The following BBX variants were observed in gnomAD, a reference collection of about 807,000 sequenced individuals.
The protein encoded by BBX is HMG box transcription factor BBX.
BBX carries 30 observed loss-of-function variants against 100.2 expected under a neutral mutation model. The ratio of observed to expected loss-of-function variants is 0.30; its 90% CI spans 0.22 to 0.41. BBX has a LOEUF of 0.41. Among genes scored for constraint, BBX ranks in the 10% least tolerant of loss-of-function variants. The pLI, the probability that BBX is intolerant of heterozygous loss-of-function variation, is 1.00. For synonymous variants in BBX, 376 were observed against 388.1 expected, an observed-to-expected ratio of 0.97 and a Z score of 0.37; for missense variants, 1,023 against 1,129.8, an observed-to-expected ratio of 0.91 and a Z score of 1.35.
At chr3:107,581,649 A>G (rs902819604) in intron 2 of BBX, among the ~76,000 whole-genome samples, 4 of 152,064 alleles carry the variant, frequency 2.6e-5, no homozygotes, top group African/African-American at 9.7e-5. Context: ...TTCAGTTTTT[A>G]TACACTGCTT....
chr3:107,559,055 G>A (rs1268553534), intron 2 of BBX, among the ~76,000 whole-genome samples: 5 of 152,322 alleles, frequency 3.3e-5, no homozygotes, highest in Non-Finnish European at 4.4e-5. Flanking sequence ...TGGTTTGTGT[G>A]TAAGAAAGTT....
chr3:107,695,181 G>A (rs2060498601), intron 3 of BBX, among the ~76,000 whole-genome samples: 1 of 114,932 alleles, frequency 8.7e-6, no homozygotes, highest in Non-Finnish European at 1.7e-5. Context: ...AGGGTTTTTT[G>A]TGTCTCTATT....
At chr3:107,625,000 T>C (rs2056067869) in intron 2 of BBX, among the ~76,000 whole-genome samples, 1 of 152,242 alleles carries the variant, frequency 6.6e-6, no homozygotes, top group African/African-American at 2.4e-5. Flanking sequence ...TTATTTTATT[T>C]TCTTCTAGCA....
chr3:107,554,095 A>G (rs1446670894), intron 2 of BBX, among the ~76,000 whole-genome samples: 3 of 152,236 alleles, frequency 2.0e-5, no homozygotes, highest in African/African-American at 7.2e-5. Flanking sequence ...TTGATAGGAA[A>G]TTGAATACGC....
At chr3:107,766,813 C>G (rs1320616649) in intron 10 of BBX, among the ~76,000 whole-genome samples, 1 of 152,146 alleles carries the variant, frequency 6.6e-6, no homozygotes, top group African/African-American at 2.4e-5. Context: ...GCCCAATTGT[C>G]CATCAAAGAT....
intron 2 of BBX, among the ~76,000 whole-genome samples, chr3:107,617,941 T>A (rs1321036289): frequency 6.6e-6 from 1 of 152,020 alleles, no homozygotes; most frequent in African/African-American, 2.4e-5. Flanking sequence ...GTAATGAGAC[T>A]GGCCCTTCTT....
At chr3:107,740,401 G>T (rs762074108) in intron 7 of BBX, among the ~76,000 whole-genome samples, 6 of 151,948 alleles carry the variant, frequency 3.9e-5, no homozygotes, top group Non-Finnish European at 5.9e-5. Flanking sequence ...AATTACTGAA[G>T]CCTGGCAGTT....
At chr3:107,625,605 T>C (rs1459388067) in intron 2 of BBX, among the ~76,000 whole-genome samples, 1 of 152,240 alleles carries the variant, frequency 6.6e-6, no homozygotes, top group East Asian at 1.9e-4. Context: ...GATTCATCCA[T>C]TGAGTTTTTT....
intron 3 of BBX, among the ~76,000 whole-genome samples, chr3:107,652,761 G>A (rs1576184795): frequency 6.6e-6 from 1 of 152,010 alleles, no homozygotes; most frequent in East Asian, 1.9e-4. Context: ...TCTAAGGCGG[G>A]GAACTTGCTC....
intron 2 of BBX, among the ~76,000 whole-genome samples, chr3:107,608,285 A>G (rs553211783): frequency 6.6e-6 from 1 of 152,328 alleles, no homozygotes; most frequent in South Asian, 2.1e-4. Context: ...ATTCTTCTGC[A>G]TATGGATATC....
chr3:107,654,549 A>T (rs1360687078), intron 3 of BBX, among the ~76,000 whole-genome samples: 1 of 152,164 alleles, frequency 6.6e-6, no homozygotes, highest in Non-Finnish European at 1.5e-5. Context: ...AAAGATCTTG[A>T]TTCTTACCTC....
At chr3:107,602,088 T>C (rs1162830340) in intron 2 of BBX, among the ~76,000 whole-genome samples, 1 of 152,252 alleles carries the variant, frequency 6.6e-6, no homozygotes, top group East Asian at 1.9e-4. Flanking sequence ...GCAGGGTTTA[T>C]TGAATATTTC....
intron 3 of BBX, chr3:107,656,980 G>A (rs2058181543): frequency 6.6e-6 from 1 of 152,208 alleles, no homozygotes; most frequent in Non-Finnish European, 1.5e-5. Context: ...TAAAGTTACG[G>A]TGGGAAACTT....
intron 6 of BBX, among the ~76,000 whole-genome samples, chr3:107,730,588 C>T (rs1462536877): frequency 2.6e-5 from 4 of 151,574 alleles, no homozygotes; most frequent in South Asian, 2.1e-4. Flanking sequence ...TTTGAAGCAC[C>T]GTTTCTGACA....
intron 2 of BBX, among the ~76,000 whole-genome samples, chr3:107,535,846 G>A (rs2048458497): frequency 6.6e-6 from 1 of 152,182 alleles, no homozygotes; most frequent in South Asian, 2.1e-4. Flanking sequence ...TGATCCACCT[G>A]CCTCAGTCTC....
chr3:107,525,202 C>T (rs1428433620), intron 1 of BBX, among the ~76,000 whole-genome samples: 2 of 150,120 alleles, frequency 1.3e-5, no homozygotes, highest in Non-Finnish European at 3.0e-5. Flanking sequence ...CCCACGCGCT[C>T]TGCGCCGCGC....
chr3:107,778,156 G>T (rs989086470), intron 12 of BBX, among the ~76,000 whole-genome samples: 1 of 152,038 alleles, frequency 6.6e-6, no homozygotes, highest in African/African-American at 2.4e-5. Flanking sequence ...ACTTTTCTAA[G>T]GTAATAACAT....
intron 7 of BBX, among the ~76,000 whole-genome samples, chr3:107,733,405 G>A (rs1248105886): frequency 6.6e-6 from 1 of 152,154 alleles, no homozygotes; most frequent in African/African-American, 2.4e-5. Context: ...CTAAAAATTT[G>A]CAGCTGTCAG....
At chr3:107,762,504 G>A (rs927653948) in intron 10 of BBX, among the ~76,000 whole-genome samples, 29 of 152,278 alleles carry the variant, frequency 1.9e-4, no homozygotes, top group African/African-American at 6.3e-4. Flanking sequence ...TGGCACAAGC[G>A]TTCGGGTTTT....
Sources: gnomAD v4.1 joint callset for allele counts (sites outside exome capture counted in the v4.1 genomes callset) on GRCh38, gnomAD v4.1.1 for gene constraint, MANE v1.5 for transcripts, NCBI Gene and HGNC (gene_info 2026-07-23, HGNC 2026-07-21) for gene names.